GRM7: variants seen among roughly 807,000 people sequenced by gnomAD.
GRM7 encodes metabotropic glutamate receptor 7.
GRM7 carries 35 observed loss-of-function variants against 84.5 expected under a neutral mutation model. The observed-to-expected ratio is 0.41, with a 90% confidence interval of 0.32 to 0.55. The LOEUF is 0.55. Among genes scored for constraint, GRM7 ranks in the 20% least tolerant of loss-of-function variants. GRM7 has a pLI of 0.19. For synonymous variants in GRM7, 487 were observed against 455.1 expected (o/e 1.07, Z -0.89); for missense variants, 1,003 against 1,194.6 (o/e 0.84, Z 2.36).
rs147322605 is a variant in GRM7 at position 7,179,554 on chromosome 3, G to A, written c.736+32886G>A. Among the ~76,000 whole-genome samples, 74 of 152,266 alleles carry A rather than the reference G, an allele frequency of 4.9e-4. No individual in the cohort carries two copies. The East Asian group carries it at 0.012, about 25-fold the overall frequency. ...CTGCAGCAGAAGGAGCCGCATATGC[G>A]TACCTTAAAAAAGGTGGTTGATTTT... On this transcript the variant is annotated intron_variant, in intron 2 of 9. Transcript: ENST00000357716.
At chr3:7,453,029 A>ATTT (rs60916756) in intron 6 of GRM7, among the ~76,000 whole-genome samples, 3,710 of 141,896 alleles carry the variant, frequency 0.026, 138 homozygotes, top group African/African-American at 0.076. Flanking sequence ...TGAAATAGAG[A>ATTT]TTTTTTTTTT....
At chr3:7,215,747 A>G (rs1696588482) in intron 2 of GRM7, among the ~76,000 whole-genome samples, 1 of 152,200 alleles carries the variant, frequency 6.6e-6, no homozygotes, top group Non-Finnish European at 1.5e-5. Context: ...GTGAATATGC[A>G]TAAAAATGTC....
At chr3:7,098,635 T>C (rs1039240926) in intron 1 of GRM7, among the ~76,000 whole-genome samples, 3 of 152,016 alleles carry the variant, frequency 2.0e-5, no homozygotes, top group Non-Finnish European at 2.9e-5. Flanking sequence ...TAATATTTTA[T>C]TTTACTCTTC....
intron 2 of GRM7, among the ~76,000 whole-genome samples, chr3:7,228,817 T>C (rs1317972800): frequency 1.3e-5 from 2 of 152,204 alleles, no homozygotes; most frequent in Non-Finnish European, 1.5e-5. Flanking sequence ...GTAGATAAAA[T>C]TGGTTCCTAT....
intron 1 of GRM7, among the ~76,000 whole-genome samples, chr3:6,966,375 A>C (rs992351846): frequency 1.3e-5 from 2 of 152,202 alleles, no homozygotes; most frequent in Non-Finnish European, 2.9e-5. Flanking sequence ...GCAAGGTTGG[A>C]CTAGTACTTC....
intron 1 of GRM7, among the ~76,000 whole-genome samples, chr3:6,889,662 A>C (rs2124979814): frequency 6.6e-6 from 1 of 152,284 alleles, no homozygotes; most frequent in Non-Finnish European, 1.5e-5. Context: ...TTTTGCATCA[A>C]TGTTCATCAA....
chr3:7,199,437 C>CA (rs1200050099), intron 2 of GRM7, among the ~76,000 whole-genome samples: 6 of 152,306 alleles, frequency 3.9e-5, no homozygotes, highest in Admixed American at 2.6e-4. Context: ...CCCTGACCCA[C>CA]AAAAAAATTC....
chr3:7,642,151 C>G (rs78589993), intron 8 of GRM7, among the ~76,000 whole-genome samples: 3,754 of 152,206 alleles, frequency 0.025, 130 homozygotes, highest in East Asian at 0.075. Context: ...TAGAAATTAC[C>G]TGAGAGTCTT....
intron 8 of GRM7, among the ~76,000 whole-genome samples, chr3:7,674,640 G>T (rs940467584): frequency 6.6e-6 from 1 of 152,094 alleles, no homozygotes; most frequent in African/African-American, 2.4e-5. Flanking sequence ...TTAGCAATTT[G>T]CAAATATAGA....
At chr3:7,209,926 G>C (rs1291265750) in intron 2 of GRM7, among the ~76,000 whole-genome samples, 1 of 152,192 alleles carries the variant, frequency 6.6e-6, no homozygotes, top group East Asian at 1.9e-4. Context: ...TACAAGGGGA[G>C]AGGGAAGTAA....
At chr3:7,143,550 T>A (rs574092036) in intron 1 of GRM7, among the ~76,000 whole-genome samples, 2 of 152,230 alleles carry the variant, frequency 1.3e-5, no homozygotes, top group East Asian at 3.9e-4. Context: ...AGACCACAGA[T>A]AGTAACCATT....
chr3:6,893,984 C>T (rs1417879215), intron 1 of GRM7: 1 of 152,144 alleles, frequency 6.6e-6, no homozygotes, highest in Middle Eastern at 3.2e-3. Flanking sequence ...ATATGAACAG[C>T]TTCCATTACG....
At chr3:7,683,259 CA>C (rs1410934642) in intron 9 of GRM7, among the ~76,000 whole-genome samples, 2 of 152,140 alleles carry the variant, frequency 1.3e-5, no homozygotes, top group Admixed American at 1.3e-4. Flanking sequence ...GTAGAGGCCT[CA>C]TTTGATTAAT....
intron 1 of GRM7, among the ~76,000 whole-genome samples, chr3:7,096,733 C>G (rs965301629): frequency 6.6e-6 from 1 of 152,098 alleles, no homozygotes; most frequent in African/African-American, 2.4e-5. Context: ...TTTCTGTTGA[C>G]CAATCCCATA....
chr3:7,238,741 T>C (rs1397471132), intron 2 of GRM7, among the ~76,000 whole-genome samples: 1 of 150,034 alleles, frequency 6.7e-6, no homozygotes, highest in Non-Finnish European at 1.5e-5. Flanking sequence ...TTTCTTTTTT[T>C]TCTTTTCTTT....
intron 1 of GRM7, among the ~76,000 whole-genome samples, chr3:6,962,701 A>G (rs1693348480): frequency 1.3e-5 from 2 of 152,216 alleles, no homozygotes; most frequent in African/African-American, 4.8e-5. Flanking sequence ...CAAGAGTGGG[A>G]TTCAAACCCA....
At chr3:7,039,108 AAAT>A (rs1696496041) in intron 1 of GRM7, among the ~76,000 whole-genome samples, 1 of 152,170 alleles carries the variant, frequency 6.6e-6, no homozygotes, top group South Asian at 2.1e-4. Flanking sequence ...CATGTTTAAA[AAAT>A]AATAATAAAG....
intron 7 of GRM7, among the ~76,000 whole-genome samples, chr3:7,543,669 T>C (rs551462691): frequency 6.6e-6 from 1 of 152,368 alleles, no homozygotes; most frequent in East Asian, 1.9e-4. Context: ...GAGTAAAACT[T>C]AGCAAGAAGT....
chr3:7,412,100 C>T (rs1014042028), intron 4 of GRM7, among the ~76,000 whole-genome samples: 1 of 151,738 alleles, frequency 6.6e-6, no homozygotes, highest in Non-Finnish European at 1.5e-5. Context: ...TTGCTTCATT[C>T]ACTGATTCTG....
Sources: allele counts gnomAD v4.1 joint callset (sites outside exome capture counted in the v4.1 genomes callset), GRCh38; gene constraint gnomAD v4.1.1; transcripts MANE v1.5; gene names NCBI Gene and HGNC (gene_info 2026-07-23, HGNC 2026-07-21).